Variants in ZNRF3 observed in about 807,000 individuals in gnomAD.
ZNRF3 encodes zinc and ring finger 3, also known as E3 ubiquitin-protein ligase ZNRF3.
A neutral mutation model predicts 72.5 loss-of-function variants in ZNRF3; 23 were observed. That is an observed-to-expected ratio of 0.32 (90% CI 0.23 to 0.45). ZNRF3 has a LOEUF of 0.45. Ranked by LOEUF, ZNRF3 falls within the 20% of genes least tolerant of loss-of-function variation. The pLI is 1.00. For missense variants in ZNRF3, 1,169 were observed against 1,272.1 expected (o/e 0.92, Z 1.23); for synonymous variants, 610 against 545.3 (o/e 1.12, Z -1.65).
intron 1 of ZNRF3, among the ~76,000 whole-genome samples, chr22:28,918,411 C>G (rs371612035): frequency 1.3e-5 from 2 of 152,248 alleles, no homozygotes; most frequent in East Asian, 3.9e-4. Flanking sequence ...TCCTCGTAAC[C>G]TATAGAGCTG....
At chr22:28,895,315 T>C (rs887716677) in intron 1 of ZNRF3, among the ~76,000 whole-genome samples, 1 of 152,166 alleles carries the variant, frequency 6.6e-6, no homozygotes, top group African/African-American at 2.4e-5. Flanking sequence ...TCTTTGCTCC[T>C]TCTCTCTTTT....
intron 2 of ZNRF3, among the ~76,000 whole-genome samples, chr22:29,001,294 C>T (rs984770749): frequency 1.3e-5 from 2 of 151,342 alleles, no homozygotes; most frequent in African/African-American, 4.9e-5. Context: ...TGGAGCTTTA[C>T]CTATTTTTTT....
chr22:29,041,026 T>G (rs2036953117), intron 2 of ZNRF3, among the ~76,000 whole-genome samples: 1 of 152,218 alleles, frequency 6.6e-6, no homozygotes, highest in Admixed American at 6.5e-5. Context: ...CTCTAAGCAC[T>G]AGCCATCATT....
chr22:28,908,618 C>G (rs2034257396), intron 1 of ZNRF3, among the ~76,000 whole-genome samples: 1 of 152,142 alleles, frequency 6.6e-6, no homozygotes, highest in Admixed American at 6.5e-5. Context: ...CCCTGGATGT[C>G]AAAACTAAGA....
In ZNRF3 at chr22:29,055,741, G is replaced by C. The variant is rs2037286354; in HGVS notation, c.*2119G>C. On this transcript the variant is annotated 3_prime_UTR_variant, in exon 9 of 9. Transcript: ENST00000544604. ...CGTGGTTTTAGGGAAGCAGGGTCTG[G>C]CTTTTAATATGAACTGCAAAAAGCA... is the stretch of plus-strand genomic sequence containing the variant. 1 of 152,228 alleles carries C rather than the reference G, an allele frequency of 6.6e-6. No homozygotes were observed. The highest frequency in any genetic ancestry group is 1.5e-5 in the Non-Finnish European group (1 of 68,066). 9.4% of individuals were successfully genotyped at this position (152,228 alleles called of 1,614,324 possible). A position where few individuals can be genotyped will look rare whatever the true frequency, so the allele number is the denominator to read the frequency against.
intron 1 of ZNRF3, among the ~76,000 whole-genome samples, chr22:28,909,913 T>A (rs543767755): frequency 1.3e-5 from 2 of 152,090 alleles, no homozygotes; most frequent in South Asian, 4.2e-4. Flanking sequence ...AATTTAATTT[T>A]TTTTTTCTAG....
intron 1 of ZNRF3, among the ~76,000 whole-genome samples, chr22:28,966,495 C>T (rs1239690457): frequency 6.6e-6 from 1 of 152,138 alleles, no homozygotes; most frequent in Non-Finnish European, 1.5e-5. Flanking sequence ...GAGATGACAG[C>T]TCATGTGTGT....
At chr22:28,921,061 A>T (rs2034503376) in intron 1 of ZNRF3, among the ~76,000 whole-genome samples, 1 of 152,270 alleles carries the variant, frequency 6.6e-6, no homozygotes, top group South Asian at 2.1e-4. Context: ...AGAAATGACC[A>T]GTCAGAGGAG....
chr22:28,905,478 T>C (rs1388666249), intron 1 of ZNRF3, among the ~76,000 whole-genome samples: 1 of 152,082 alleles, frequency 6.6e-6, no homozygotes, highest in Non-Finnish European at 1.5e-5. Flanking sequence ...GTCTCAGGGA[T>C]GGGAAAAACA....
chr22:28,939,645 C>T (rs887730466), intron 1 of ZNRF3, among the ~76,000 whole-genome samples: 1 of 151,970 alleles, frequency 6.6e-6, no homozygotes, highest in African/African-American at 2.4e-5. Flanking sequence ...CTGTTTGTGC[C>T]GTCTCTCCTC....
intron 1 of ZNRF3, among the ~76,000 whole-genome samples, chr22:28,929,185 A>G (rs1442351795): frequency 6.6e-6 from 1 of 152,224 alleles, no homozygotes; most frequent in African/African-American, 2.4e-5. Context: ...CCTTTGAGTA[A>G]TGTTTGAAAC....
intron 1 of ZNRF3, among the ~76,000 whole-genome samples, chr22:28,984,459 T>G (rs772739013): frequency 1.4e-4 from 22 of 152,210 alleles, no homozygotes; most frequent in Non-Finnish European, 2.9e-4. Context: ...AGATGCAAAG[T>G]CTTAGACCCA....
chr22:28,915,924 T>C (rs997396086), intron 1 of ZNRF3, among the ~76,000 whole-genome samples: 2 of 152,208 alleles, frequency 1.3e-5, no homozygotes, highest in African/African-American at 4.8e-5. Flanking sequence ...TACGTTAGAG[T>C]TAGTAAGTGC....
At position 28,994,176 on chromosome 22, in the gene ZNRF3, C is replaced by CTTT. The variant is rs57329565; in HGVS notation, c.426+7000_426+7002dup. 3.0e-3 allele frequency among the ~76,000 whole-genome samples: 119 copies of CTTT among 39,808 alleles called. 19 individuals are homozygous for CTTT. Among genetic ancestry groups the CTTT allele is most frequent in the African/African-American group, 9.0e-3 (81 of 8,980 alleles). 26.1% of individuals were successfully genotyped at this position (39,808 alleles called of 152,430 possible). ...TCCTTTATTGTCCTTCAGTTCCTTT[C>CTTT]TTTTTTTTTTTTTTTTTTTTTTTTT... is the stretch of plus-strand genomic sequence containing the variant. On this transcript the variant is annotated intron_variant, in intron 2 of 8. Coordinates refer to ENST00000544604, the MANE Select transcript of ZNRF3 (RefSeq NM_001206998.2).
intron 1 of ZNRF3, among the ~76,000 whole-genome samples, chr22:28,937,851 C>T (rs1008647191): frequency 1.3e-5 from 2 of 152,118 alleles, no homozygotes; most frequent in East Asian, 1.9e-4. Flanking sequence ...CTGTACATAG[C>T]GTTGCTTTTT....
chr22:28,957,813 G>C (rs1019121029), intron 1 of ZNRF3, among the ~76,000 whole-genome samples: 3 of 152,114 alleles, frequency 2.0e-5, no homozygotes, highest in African/African-American at 7.2e-5. Context: ...CCGTGATTAG[G>C]GGTGGGAAAT....
At chr22:29,031,727 G>A (rs2036761495) in intron 2 of ZNRF3, 1 of 720,608 alleles carries the variant, frequency 1.4e-6, no homozygotes, top group African/African-American at 1.9e-5. Context: ...GACCCGCCAA[G>A]AGGGACCTGT....
intron 1 of ZNRF3, among the ~76,000 whole-genome samples, chr22:28,962,869 G>T (rs2035389540): frequency 6.6e-6 from 1 of 152,224 alleles, no homozygotes; most frequent in Non-Finnish European, 1.5e-5. Context: ...ATAGGCAGGG[G>T]TCTGCTCTTA....
intron 2 of ZNRF3, among the ~76,000 whole-genome samples, chr22:29,012,542 G>A (rs2036364067): frequency 6.6e-6 from 1 of 152,210 alleles, no homozygotes; most frequent in Non-Finnish European, 1.5e-5. Context: ...AAAGTATCAA[G>A]CTGGTCAGTG....
Sources: allele counts gnomAD v4.1 joint callset (sites outside exome capture counted in the v4.1 genomes callset), GRCh38; gene constraint gnomAD v4.1.1; transcripts MANE v1.5; gene names NCBI Gene and HGNC (gene_info 2026-07-23, HGNC 2026-07-21).